Variants in SLC2A12 observed in about 807,000 individuals in gnomAD.
SLC2A12 encodes the protein solute carrier family 2 member 12.
In SLC2A12, 23 loss-of-function variants were observed where a neutral mutation model predicts 41.8. The observed-to-expected ratio is 0.55, with a 90% confidence interval of 0.40 to 0.78. The LOEUF is 0.78. Among genes scored for constraint, SLC2A12 ranks in the 30% least tolerant of loss-of-function variants. The pLI is 0.00. For missense variants in SLC2A12, 654 were observed against 745.6 expected, an observed-to-expected ratio of 0.88 and a Z score of 1.43; for synonymous variants, 295 against 285.9, an observed-to-expected ratio of 1.03 and a Z score of -0.32.
intron 1 of SLC2A12, among the ~76,000 whole-genome samples, chr6:134,036,955 G>A (rs2114495000): frequency 6.6e-6 from 1 of 152,150 alleles, no homozygotes; most frequent in African/African-American, 2.4e-5. Flanking sequence ...GTATTTAGCA[G>A]CCCTGTTTCA....
chr6:134,020,057 A>C (rs938920006), intron 2 of SLC2A12, among the ~76,000 whole-genome samples: 1 of 151,946 alleles, frequency 6.6e-6, no homozygotes, highest in Non-Finnish European at 1.5e-5. Context: ...GTAAGATTAC[A>C]TGAGTACCCC....
chr6:133,992,346 T>C (rs1776635221), intron 4 of SLC2A12, among the ~76,000 whole-genome samples: 1 of 152,072 alleles, frequency 6.6e-6, no homozygotes, highest in Admixed American at 6.6e-5. Flanking sequence ...ATTTTCTCAG[T>C]GAACTAAAAA....
Position 134,005,839 on chromosome 6 carries a change from C to T in SLC2A12, c.1567+973G>A, listed in dbSNP as rs945462486. On this transcript the variant is annotated intron_variant, in intron 3 of 4. Transcript: ENST00000275230. Reference sequence around the variant, plus strand: ...TTGGTTTCTCTTTCTCCTCAAGCCTCTATCTAAATCTAATAGCAATTTACA... The same window carrying T: ...TTGGTTTCTCTTTCTCCTCAAGCCTTTATCTAAATCTAATAGCAATTTACA... 3.9e-5 allele frequency among the ~76,000 whole-genome samples: 6 copies of T among 151,914 alleles called. No individual in the cohort carries two copies. In the South Asian group the frequency reaches 6.2e-4, roughly 16 times the overall value.
intron 1 of SLC2A12, among the ~76,000 whole-genome samples, chr6:134,037,727 G>A (rs1336370694): frequency 6.6e-6 from 1 of 152,096 alleles, no homozygotes; most frequent in Non-Finnish European, 1.5e-5. Flanking sequence ...ATTTCACTAG[G>A]TTTGTATCCT....
intron 1 of SLC2A12, among the ~76,000 whole-genome samples, chr6:134,047,922 C>A (rs1000481088): frequency 6.6e-6 from 1 of 152,234 alleles, no homozygotes; most frequent in South Asian, 2.1e-4. Flanking sequence ...AGGCTTCCTG[C>A]AGCGTGTGTC....
rs1776594792 is a variant in SLC2A12 at position 133,989,762 on chromosome 6, A to G, written c.*1393T>C. 1 of 152,220 alleles carries G rather than the reference A, an allele frequency of 6.6e-6. No individual in the cohort carries two copies. The highest frequency in any genetic ancestry group is 1.5e-5 in the Non-Finnish European group (1 of 68,038). 9.4% of individuals were successfully genotyped at this position (152,220 alleles called of 1,614,324 possible). ...TTGTTATAAAGGAATGTAATAGATCATGTTTCCTTATATGACATTGGGACA... is the reference window on the plus strand; with the variant it reads ...TTGTTATAAAGGAATGTAATAGATCGTGTTTCCTTATATGACATTGGGACA... On this transcript the variant is annotated 3_prime_UTR_variant, in exon 5 of 5. Transcript: ENST00000275230.
At chr6:134,049,833 C>T (rs1022172981) in intron 1 of SLC2A12, among the ~76,000 whole-genome samples, 4 of 152,126 alleles carry the variant, frequency 2.6e-5, no homozygotes, top group Non-Finnish European at 5.9e-5. Flanking sequence ...AACTGCAGAC[C>T]TTAGGGGGTT....
rs368306808 is a variant in SLC2A12 at position 134,028,656 on chromosome 6, A to G, written c.1169T>C (p.Val390Ala). The G allele has an allele frequency of 1.2e-6, 2 of 1,614,068 alleles. No homozygotes were observed. Among genetic ancestry groups the G allele is most frequent in the African/African-American group, 2.7e-5 (2 of 74,924 alleles). Residue 390 changes from valine to alanine, a missense_variant, in exon 2 of 5, where the codon GTG (valine) becomes GCG (alanine). By Grantham distance (64) the Val-to-Ala change is moderately conservative (BLOSUM62 0). Around this residue, in one of 3 missense-constraint regions of SLC2A12, gnomAD observed 411 missense variants for 412.1 expected, o/e 1.00. Transcript: ENST00000275230. Reference sequence around the variant, plus strand: ...TGACAGGTTTCCTGGTCCATAAATCACAGACTCATCCAAGGACTGGTTGAT... The same window carrying G: ...TGACAGGTTTCCTGGTCCATAAATCGCAGACTCATCCAAGGACTGGTTGAT... ...NSINQSLDES[V>A]IYGPGNLSTN...
intron 2 of SLC2A12, among the ~76,000 whole-genome samples, chr6:134,007,462 C>T (rs532377996): frequency 5.9e-5 from 9 of 152,212 alleles, no homozygotes; most frequent in South Asian, 2.1e-4. Flanking sequence ...CTGACTTGGG[C>T]GTCCTGGCCT....
chr6:134,041,822 T>C (rs1777385354), intron 1 of SLC2A12, among the ~76,000 whole-genome samples: 1 of 152,158 alleles, frequency 6.6e-6, no homozygotes, highest in Non-Finnish European at 1.5e-5. Context: ...GTGGAGACTT[T>C]CGATGATAGA....
chr6:134,001,891 AATCTAATAAT>A lies in SLC2A12; in HGVS notation c.1700+96_1700+105del, dbSNP rs1159395666. On this transcript the variant is annotated intron_variant, in intron 4 of 4. Transcript: ENST00000275230. ...AGTCTTACGCTAAAGGGAATGTCCTAATCTAATAATATCTAATAATTTCAGATATTATTCC... is the reference window on the plus strand; with the variant it reads ...AGTCTTACGCTAAAGGGAATGTCCTAATCTAATAATTTCAGATATTATTCC... 1.6e-5 allele frequency: 20 copies of A among 1,241,708 alleles called. No homozygotes were observed. The African/African-American group carries it at 3.0e-4, about 19-fold the overall frequency. 76.9% of individuals were successfully genotyped at this position (1,241,708 alleles called of 1,614,324 possible).
intron 2 of SLC2A12, among the ~76,000 whole-genome samples, chr6:134,009,823 C>A (rs1776857548): frequency 6.8e-6 from 1 of 146,094 alleles, no homozygotes. Flanking sequence ...CTAGCCTGAG[C>A]AACAGAGTGA....
rs1777160675 is a variant in SLC2A12, at chr6:134,029,214, A to T, written c.611T>A (p.Ile204Asn). The change falls in exon 2 of 5, where the codon ATT (isoleucine) becomes AAT (asparagine). Residue 204 changes from isoleucine to asparagine, a missense_variant. Ile to Asn is a moderately radical substitution (Grantham distance 149). Coordinates refer to ENST00000275230, the MANE Select transcript of SLC2A12 (RefSeq NM_145176.3). ...AATTGCTTGCAAAACTCCCAAGGGAATCACAAGACCAAACATGTACTTCCA... is the reference window on the plus strand; with the variant it reads ...AATTGCTTGCAAAACTCCCAAGGGATTCACAAGACCAAACATGTACTTCCA... Reference protein sequence around the residue: ...HGWKYMFGLVIPLGVLQAIAM... With the variant: ...HGWKYMFGLVNPLGVLQAIAM... 1 of 1,614,098 alleles carries T rather than the reference A, an allele frequency of 6.2e-7. No homozygotes were observed. The highest frequency in any genetic ancestry group is 8.5e-7 in the Non-Finnish European group (1 of 1,180,058).
At chr6:134,007,770 C>G (rs1776832682) in intron 2 of SLC2A12, among the ~76,000 whole-genome samples, 1 of 152,142 alleles carries the variant, frequency 6.6e-6, no homozygotes, top group Admixed American at 6.5e-5. Flanking sequence ...TTTTTACAAC[C>G]TCATCTCATT....
chr6:134,042,239 G>A (rs1777391377), intron 1 of SLC2A12, among the ~76,000 whole-genome samples: 2 of 152,146 alleles, frequency 1.3e-5, no homozygotes, highest in South Asian at 4.1e-4. Context: ...CACCAGTAGT[G>A]CTTTTTAAAT....
rs893248247 is a variant in SLC2A12 at position 133,987,864 on chromosome 6, A to G, written c.*3291T>C. 2 of 152,504 alleles carry G rather than the reference A, an allele frequency of 1.3e-5. No homozygotes were observed. Among genetic ancestry groups the G allele is most frequent in the Admixed American group, 1.3e-4 (2 of 15,244 alleles). The allele number at this position is 152,504 out of a possible 1,614,324, so 9.4% of individuals were successfully genotyped here. A position where few individuals can be genotyped will look rare whatever the true frequency, so the allele number is the denominator to read the frequency against. On this transcript the variant is annotated 3_prime_UTR_variant, in exon 5 of 5. Transcript: ENST00000275230. ...TTAAATAACTTGTAAAGGTTAAGAAATTGTAGTTTTAAGAAGAGAAACCTC... is the reference window on the plus strand; with the variant it reads ...TTAAATAACTTGTAAAGGTTAAGAAGTTGTAGTTTTAAGAAGAGAAACCTC...
At position 133,990,945 on chromosome 6, in the gene SLC2A12, G is replaced by A. The variant is rs1776613653; in HGVS notation, c.*210C>T. 2.1e-6 allele frequency: 1 copy of A among 484,992 alleles called. No homozygotes were observed. Among genetic ancestry groups the A allele is most frequent in the African/African-American group, 2.0e-5 (1 of 50,018 alleles). 30.0% of individuals were successfully genotyped at this position (484,992 alleles called of 1,614,324 possible). A position where few individuals can be genotyped will look rare whatever the true frequency, so the allele number is the denominator to read the frequency against. On this transcript the variant is annotated 3_prime_UTR_variant, in exon 5 of 5. Coordinates refer to ENST00000275230, the MANE Select transcript of SLC2A12 (RefSeq NM_145176.3). The stretch of plus-strand genomic sequence containing the variant: ...ACCTGATATCCTGCTCAGAAAAAGA[G>A]ATCACTTAGGACCTTGTACCTCATC...
intron 2 of SLC2A12, among the ~76,000 whole-genome samples, chr6:134,008,165 G>C (rs892088948): frequency 2.6e-5 from 4 of 152,164 alleles, no homozygotes; most frequent in African/African-American, 9.7e-5. Context: ...AAGCCAGGGA[G>C]AGGCCGCTCT....
intron 1 of SLC2A12, among the ~76,000 whole-genome samples, chr6:134,050,602 T>C (rs1773665176): frequency 6.6e-6 from 1 of 152,206 alleles, no homozygotes; most frequent in East Asian, 1.9e-4. Context: ...AAATAAACAG[T>C]CCATTTTTAA....
Sources: gnomAD v4.1 joint callset for allele counts (sites outside exome capture counted in the v4.1 genomes callset) on GRCh38, gnomAD v4.1.1 for gene constraint, gnomAD v4.1.1 regional missense constraint, MANE v1.5 for transcripts, NCBI Gene and HGNC (gene_info 2026-07-23, HGNC 2026-07-21) for gene names.